Variants in IARS2 observed in about 807,000 individuals in gnomAD.
The protein encoded by IARS2 is isoleucyl-tRNA synthetase 2, mitochondrial, also known as isoleucine--tRNA ligase, mitochondrial.
A neutral mutation model predicts 126.3 loss-of-function variants in IARS2; 56 were observed. The ratio of observed to expected loss-of-function variants is 0.44; its 90% CI spans 0.36 to 0.55. The LOEUF is 0.55. Ranked by LOEUF, IARS2 falls within the 20% of genes least tolerant of loss-of-function variation. The probability of loss-of-function intolerance (pLI) is 0.00; values close to 1 mark genes in which losing one functional copy is unlikely to be tolerated. For missense variants in IARS2, 1,127 were observed against 1,245.9 expected, an observed-to-expected ratio of 0.90 and a Z score of 1.44; for synonymous variants, 407 against 441.1, an observed-to-expected ratio of 0.92 and a Z score of 0.97.
Position 220,110,852 on chromosome 1 carries a change from A to G in IARS2, c.1394A>G (p.Tyr465Cys). 1 of 1,613,710 alleles carries G rather than the reference A, an allele frequency of 6.2e-7. No individual in the cohort carries two copies. Among genetic ancestry groups the G allele is most frequent in the East Asian group, 2.2e-5 (1 of 44,870 alleles). ...KEEKLVHSYP[Y>C]DWRTKKPVVI... ...GAGAAATTGGTGCATAGCTATCCGT[A>G]TGACTGGAGGACCAAGAAACCTGTG... is the stretch of plus-strand genomic sequence containing the variant. Residue 465 changes from tyrosine (Y) to cysteine (C), a missense_variant, in exon 11 of 23, where the codon TAT becomes TGT. Coordinates refer to ENST00000366922, the MANE Select transcript of IARS2 (RefSeq NM_018060.4).
chr1:220,138,851 T>G (rs1657434029), intron 17 of IARS2, among the ~76,000 whole-genome samples, 157 bp from the exon 18 acceptor site: 1 of 152,214 alleles, frequency 6.6e-6, no homozygotes, highest in African/African-American at 2.4e-5. Flanking sequence ...GTGTACTTTT[T>G]GTTTTTTATT....
chr1:220,105,832 T>G (rs1223220670), intron 8 of IARS2, 59 bp from the exon 9 acceptor site: 7 of 1,432,034 alleles, frequency 4.9e-6, no homozygotes, highest in Non-Finnish European at 6.9e-6. Context: ...ATTGCTAAGC[T>G]TAAGGAGATA....
At chr1:220,094,504 C>CGGGG in intron 1 of IARS2, 21 bp downstream of exon 1, 1 of 1,564,740 alleles carries the variant, frequency 6.4e-7, no homozygotes, top group Non-Finnish European at 8.6e-7. Flanking sequence ...CGCCTCGGCG[C>CGGGG]GGGGCCTCCA....
intron 16 of IARS2, chr1:220,137,555 T>C (rs553327492): frequency 5.8e-6 from 1 of 173,154 alleles, no homozygotes; most frequent in African/African-American, 2.4e-5. Flanking sequence ...ACAGAGTTGC[T>C]AGGAAATAGT....
Position 220,136,931 on chromosome 1 carries a change from G to A in IARS2, c.2049+20G>A. Reference sequence around the variant, plus strand: ...GGACAAGTAGGTGATTCTCTAAAATGTATTTTATTTTCGTTTTAAGGATCT... The same window carrying A: ...GGACAAGTAGGTGATTCTCTAAAATATATTTTATTTTCGTTTTAAGGATCT... On this transcript the variant is annotated intron_variant, in intron 16 of 22. Coordinates refer to ENST00000366922, the MANE Select transcript of IARS2 (RefSeq NM_018060.4). 3 of 1,473,258 alleles carry A rather than the reference G, an allele frequency of 2.0e-6. No homozygotes were observed. Among genetic ancestry groups the A allele is most frequent in the South Asian group, 2.3e-5 (2 of 85,122 alleles). 91.3% of individuals were successfully genotyped at this position (1,473,258 alleles called of 1,614,324 possible).
intron 19 of IARS2, among the ~76,000 whole-genome samples, chr1:220,140,983 CAAA>C (rs555848103): frequency 4.3e-5 from 3 of 69,216 alleles, no homozygotes; most frequent in Admixed American, 1.6e-4. Context: ...GACTCCGTCT[CAAA>C]AAAAAAAAAA....
chr1:220,140,983 CA>C (rs555848103), intron 19 of IARS2, among the ~76,000 whole-genome samples: 9,385 of 69,194 alleles, frequency 0.14, 289 homozygotes, highest in South Asian at 0.21. Flanking sequence ...GACTCCGTCT[CA>C]AAAAAAAAAA....
intron 18 of IARS2, 54 bp downstream of exon 18, chr1:220,139,193 G>T: frequency 6.7e-7 from 1 of 1,494,682 alleles, no homozygotes; most frequent in Non-Finnish European, 9.1e-7. Context: ...ACTATTGTAG[G>T]TTAAAATTTT....
At position 220,136,889 on chromosome 1, in the gene IARS2, A is replaced by C. The variant is rs771124236; in HGVS notation, c.2027A>C (p.Asp676Ala). The change falls in exon 16 of 23, where the codon GAT (aspartate) becomes GCT (alanine). Residue 676 changes from aspartate (D) to alanine (A), a missense_variant. Asp to Ala is a moderately radical substitution (Grantham distance 126). Coordinates refer to ENST00000366922, the MANE Select transcript of IARS2 (RefSeq NM_018060.4). ...SKSLGNVIHP[D>A]VVVNGGQDQS... ...TCTCTTGGGAATGTCATTCATCCTGATGTTGTCGTTAATGGAGGACAAGTA... is the reference window on the plus strand; with the variant it reads ...TCTCTTGGGAATGTCATTCATCCTGCTGTTGTCGTTAATGGAGGACAAGTA... 6.2e-7 allele frequency: 1 copy of C among 1,607,592 alleles called. No individual in the cohort carries two copies. Among genetic ancestry groups the C allele is most frequent in the Non-Finnish European group, 8.5e-7 (1 of 1,175,006 alleles).
At chr1:220,127,858 A>G (rs2102833344) in intron 14 of IARS2, among the ~76,000 whole-genome samples, 1 of 152,338 alleles carries the variant, frequency 6.6e-6, no homozygotes, top group East Asian at 1.9e-4. Context: ...TATAAGTTAC[A>G]TATTTTTATA....
intron 11 of IARS2, 30 bp downstream of exon 11, chr1:220,110,967 G>A (rs201753180): frequency 3.9e-5 from 63 of 1,604,516 alleles, no homozygotes; most frequent in East Asian, 3.3e-4. Context: ...TTAACAGGTC[G>A]GGCATATCAT....
At chr1:220,138,525 T>A (rs980093324) in intron 17 of IARS2, among the ~76,000 whole-genome samples, 4 of 151,888 alleles carry the variant, frequency 2.6e-5, no homozygotes, top group African/African-American at 9.7e-5. Flanking sequence ...TTGGTAGTAA[T>A]ACCAGTAATT....
chr1:220,106,982 T>A (rs1190143448), intron 9 of IARS2, 79 bp from the exon 10 acceptor site: 2 of 970,932 alleles, frequency 2.1e-6, no homozygotes, highest in Non-Finnish European at 3.3e-6. Context: ...TGAGATGTTT[T>A]TATATATATT....
chr1:220,098,938 C>G (rs1052352800), intron 2 of IARS2, among the ~76,000 whole-genome samples: 8 of 152,058 alleles, frequency 5.3e-5, no homozygotes, highest in African/African-American at 1.9e-4. Context: ...AGCGGCTGGG[C>G]GTGGTGGGTC....
At chr1:220,138,186 G>T in intron 17 of IARS2, 143 bp downstream of exon 17, 2 of 963,088 alleles carry the variant, frequency 2.1e-6, no homozygotes, top group South Asian at 3.2e-5. Context: ...AGAATCTCCT[G>T]TGTTGGCCAG....
Position 220,094,145 on chromosome 1 carries a change from T to A in IARS2, c.-72T>A. 1 of 1,363,540 alleles carries A rather than the reference T, an allele frequency of 7.3e-7. No homozygotes were observed. Among genetic ancestry groups the A allele is most frequent in the Non-Finnish European group, 9.6e-7 (1 of 1,046,582 alleles). 84.5% of individuals were successfully genotyped at this position (1,363,540 alleles called of 1,614,324 possible). A position where few individuals can be genotyped will look rare whatever the true frequency, so the allele number is the denominator to read the frequency against. ...GTGCGCCCTCTTACTCGGCTCCCCT[T>A]GGTTTCCTGGGGTCCTGCCCCTTCA... is the stretch of plus-strand genomic sequence containing the variant. On this transcript the variant is annotated 5_prime_UTR_variant, in exon 1 of 23. Transcript: ENST00000366922.
At chr1:220,096,041 A>T in intron 1 of IARS2, 63 bp from the exon 2 acceptor site, 1 of 919,910 alleles carries the variant, frequency 1.1e-6, no homozygotes, top group Non-Finnish European at 1.7e-6. Flanking sequence ...GCTGTTATTT[A>T]TGGTTAGACT....
chr1:220,144,558 T>C (rs1187128961), intron 21 of IARS2, among the ~76,000 whole-genome samples: 3 of 152,206 alleles, frequency 2.0e-5, no homozygotes, highest in South Asian at 2.1e-4. Flanking sequence ...CTTGGGAAGC[T>C]GTTCATTTTA....
intron 21 of IARS2, chr1:220,144,060 GC>G: frequency 1.5e-6 from 2 of 1,319,146 alleles, no homozygotes; most frequent in Non-Finnish European, 1.1e-6. Flanking sequence ...AACCAAACTG[GC>G]GGGATGGAAG....
Sources: gnomAD v4.1 joint callset for allele counts (sites outside exome capture counted in the v4.1 genomes callset) on GRCh38, gnomAD v4.1.1 for gene constraint, MANE v1.5 for transcripts, NCBI Gene and HGNC (gene_info 2026-07-23, HGNC 2026-07-21) for gene names.